Variants in ESYT1 observed in about 807,000 individuals in gnomAD.
ESYT1 encodes the protein extended synaptotagmin-1.
In ESYT1, 116 loss-of-function variants were observed where a neutral mutation model predicts 154.2. The ratio of observed to expected loss-of-function variants is 0.75; its 90% CI spans 0.65 to 0.88. The LOEUF is 0.88. ESYT1 is among the 40% of genes least tolerant of loss of function. ESYT1 has a pLI of 0.00. For missense variants in ESYT1, 1,264 were observed against 1,379.3 expected (o/e 0.92, Z 1.32); for synonymous variants, 500 against 539.9 (o/e 0.93, Z 1.02).
At position 56,144,106 on chromosome 12, in the gene ESYT1, C is replaced by T; in HGVS notation, c.*244C>T. 1.4e-6 allele frequency: 2 copies of T among 1,416,082 alleles called. No homozygotes were observed. Among genetic ancestry groups the T allele is most frequent in the Non-Finnish European group, 1.8e-6 (2 of 1,088,184 alleles). The allele number at this position is 1,416,082 out of a possible 1,614,324, so 87.7% of individuals were successfully genotyped here. ...GGGGACCTGAGCTGGCTGTTTCCTG[C>T]TTTGCCTGCACATTGTTCTCCCTTC... is the stretch of plus-strand genomic sequence containing the variant. On this transcript the variant is annotated 3_prime_UTR_variant, in exon 31 of 31. Coordinates refer to ENST00000394048, the MANE Select transcript of ESYT1 (RefSeq NM_015292.3).
At position 56,133,568 on chromosome 12, in the gene ESYT1, T is replaced by G. The variant is rs369662109; in HGVS notation, c.1294-20T>G. The G allele has an allele frequency of 8.7e-6, 14 of 1,614,054 alleles. No individual in the cohort carries two copies. The highest frequency in any genetic ancestry group is 2.2e-5 in the South Asian group (2 of 91,086). On this transcript the variant is annotated intron_variant, in intron 11 of 30. Coordinates refer to ENST00000394048, the MANE Select transcript of ESYT1 (RefSeq NM_015292.3). The stretch of plus-strand genomic sequence containing the variant: ...AGTTGAGCAGGTATCTGATCTCTAC[T>G]ACATCTCAATTTCTTCTAGTGGTTC...
chr12:56,142,737 AG>A lies in ESYT1; in HGVS notation c.2888+8del, dbSNP rs748680438. Reference sequence around the variant, plus strand: ...GCGCCTAACACATGTTGACAGGTAAAGGGCTGGGACAGGAAGGTGGGACGCA... The same window carrying A: ...GCGCCTAACACATGTTGACAGGTAAAGGCTGGGACAGGAAGGTGGGACGCA... On this transcript the variant is annotated splice_donor_region_variant and intron_variant, in intron 26 of 30. Coordinates refer to ENST00000394048, the MANE Select transcript of ESYT1 (RefSeq NM_015292.3). The surrounding 1 kb of genome is among the most constrained non-coding windows in gnomAD (Gnocchi z 4.1). 3 of 1,613,694 alleles carry A rather than the reference AG, an allele frequency of 1.9e-6. No individual in the cohort carries two copies. Among genetic ancestry groups the A allele is most frequent in the Non-Finnish European group, 2.5e-6 (3 of 1,180,020 alleles).
At chr12:56,136,496 T>C (rs1310964565) in intron 15 of ESYT1, among the ~76,000 whole-genome samples, 1 of 146,304 alleles carries the variant, frequency 6.8e-6, no homozygotes, top group Non-Finnish European at 1.5e-5. Flanking sequence ...GAGGCTGAGG[T>C]AGGAGAATGG....
intron 18 of ESYT1, 62 bp from the exon 19 acceptor site, chr12:56,137,770 G>T: frequency 1.2e-6 from 2 of 1,603,344 alleles, no homozygotes. Flanking sequence ...TTGACTGGGG[G>T]GTCCAGTCAT....
Position 56,133,451 on chromosome 12 carries a change from A to G in ESYT1, c.1279A>G (p.Ser427Gly), listed in dbSNP as rs760827038. The change falls in exon 11 of 31, where the codon AGC becomes GGC. Residue 427 changes from serine to glycine, a missense_variant. Transcript: ENST00000394048. ...KLDVGKVLQA[S>G]VLDDWFPLQG... ...GGATGTAGGGAAGGTGTTACAGGCTAGCGTTCTGGATGATGTAAGTTGGGA... is the reference window on the plus strand; with the variant it reads ...GGATGTAGGGAAGGTGTTACAGGCTGGCGTTCTGGATGATGTAAGTTGGGA... 4 of 1,614,164 alleles carry G rather than the reference A, an allele frequency of 2.5e-6. No individual in the cohort carries two copies. The East Asian group carries it at 8.9e-5, about 36-fold the overall frequency.
chr12:56,139,083 G>C, intron 24 of ESYT1, 70 bp downstream of exon 24: 1 of 1,166,548 alleles, frequency 8.6e-7, no homozygotes, highest in Non-Finnish European at 1.3e-6. Context: ...CAGGCACAGA[G>C]CATTCAGAGA....
chr12:56,130,883 T>A lies in ESYT1; in HGVS notation c.525T>A (p.His175Gln). ...CGGCTGTTAGGGGATCTAACCCCCA[T>A]CTGCAAACATTTACATTTACACGAG... ...VAPAVRGSNP[H>Q]LQTFTFTRVE... The change falls in exon 3 of 31, where the codon CAT (histidine) becomes CAA (glutamine). Residue 175 changes from histidine (H) to glutamine (Q), a missense_variant. Coordinates refer to ENST00000394048, the MANE Select transcript of ESYT1 (RefSeq NM_015292.3). 6.2e-7 allele frequency: 1 copy of A among 1,614,180 alleles called. No individual in the cohort carries two copies. The highest frequency in any genetic ancestry group is 1.1e-5 in the South Asian group (1 of 91,078).
rs1592250952 is a variant in ESYT1 at position 56,142,871 on chromosome 12, G to C, written c.2925G>C (p.Val975=). The C allele has an allele frequency of 1.9e-6, 3 of 1,614,186 alleles. No individual in the cohort carries two copies. In the East Asian group the frequency reaches 6.7e-5, roughly 36 times the overall value. Residue 975 remains valine (V), a synonymous_variant, in exon 27 of 31, where the codon GTG becomes GTC. Transcript: ENST00000394048. This position sits in a 1 kb window ranked among gnomAD's most constrained non-coding sequence, Gnocchi z 4.1. Reference sequence around the variant, plus strand: ...CTCCAGCCGGGCCTCTGGGCCAGGTGAAACTGACTCTGTGGTACTACAGTG... The same window carrying C: ...CTCCAGCCGGGCCTCTGGGCCAGGTCAAACTGACTCTGTGGTACTACAGTG... ...LEAPAGPLGQ[V]KLTLWYYSEE...
chr12:56,136,268 G>A (rs1455667179), intron 15 of ESYT1, among the ~76,000 whole-genome samples: 2 of 151,844 alleles, frequency 1.3e-5, no homozygotes, highest in Non-Finnish European at 2.9e-5. Context: ...GGAAGAGAAT[G>A]AGGACTTTCC....
intron 24 of ESYT1, among the ~76,000 whole-genome samples, chr12:56,139,785 G>C (rs1412286670): frequency 6.7e-6 from 1 of 149,984 alleles, no homozygotes; most frequent in Non-Finnish European, 1.5e-5. Flanking sequence ...ACGGGGTTTT[G>C]CCATGTTGGC....
Position 56,130,071 on chromosome 12 carries a change from G to A in ESYT1, c.391-511G>A, listed in dbSNP as rs533638030. On this transcript the variant is annotated intron_variant, in intron 1 of 30. Coordinates refer to ENST00000394048, the MANE Select transcript of ESYT1 (RefSeq NM_015292.3). ...TGGGATTACAGTCACGCGCCACCAC[G>A]CCCGGCTAATTTTGTATTTTTAGTA... Among the ~76,000 whole-genome samples, 561 of 152,158 alleles carry A rather than the reference G, an allele frequency of 3.7e-3. 1 individual carries two copies. Among genetic ancestry groups the A allele is most frequent in the Non-Finnish European group, 6.7e-3 (458 of 67,978 alleles).
At chr12:56,139,358 C>T (rs886905343) in intron 24 of ESYT1, among the ~76,000 whole-genome samples, 1 of 151,962 alleles carries the variant, frequency 6.6e-6, no homozygotes, top group Admixed American at 6.6e-5. Context: ...GTGATCCGCC[C>T]ACCTCGGCCT....
Position 56,143,160 on chromosome 12 carries a change from G to A in ESYT1, c.3119+12G>A. 6.2e-7 allele frequency: 1 copy of A among 1,614,162 alleles called. No homozygotes were observed. The highest frequency in any genetic ancestry group is 8.5e-7 in the Non-Finnish European group (1 of 1,180,028). On this transcript the variant is annotated intron_variant, in intron 28 of 30. Coordinates refer to ENST00000394048, the MANE Select transcript of ESYT1 (RefSeq NM_015292.3). ...GAATTTAATGAACGGTCAGTCAGTG[G>A]GCATTCAGGTGGAGAGATGGCAGGC...
intron 1 of ESYT1, 169 bp from the exon 2 acceptor site, chr12:56,130,413 C>A: frequency 1.3e-6 from 1 of 750,046 alleles, no homozygotes; most frequent in Non-Finnish European, 2.3e-6. Context: ...ACATCAGCCC[C>A]CAAACTCTGT....
rs373343194 is a variant in ESYT1, at chr12:56,132,278, G to A, written c.930G>A (p.Val310=). Residue 310 remains valine, a synonymous_variant, in exon 8 of 31, where the codon GTG becomes GTA. Transcript: ENST00000394048. Reference sequence around the variant, plus strand: ...TCGTGTTGCCCAACCGATTACTGGTGCCCCTTGTGCCTGACCTTCAAGATG... The same window carrying A: ...TCGTGTTGCCCAACCGATTACTGGTACCCCTTGTGCCTGACCTTCAAGATG... ...AFLVLPNRLL[V]PLVPDLQDVA... 2 of 1,614,056 alleles carry A rather than the reference G, an allele frequency of 1.2e-6. No individual in the cohort carries two copies. The highest frequency in any genetic ancestry group is 1.7e-6 in the Non-Finnish European group (2 of 1,180,014).
chr12:56,134,520 C>G, intron 15 of ESYT1, 92 bp downstream of exon 15: 1 of 1,108,776 alleles, frequency 9.0e-7, no homozygotes, highest in Non-Finnish European at 1.4e-6. Context: ...TCCCTTGATT[C>G]CTATTTTTAA....
In ESYT1 at chr12:56,132,244, C is replaced by T; in HGVS notation, c.896C>T (p.Ala299Val). The part of the protein sequence containing the change: ...LSDTMIMDSI[A>V]AFLVLPNRLL... ...GACACCATGATCATGGACTCCATTGCTGCCTTCCTCGTGTTGCCCAACCGA... is the reference window on the plus strand; with the variant it reads ...GACACCATGATCATGGACTCCATTGTTGCCTTCCTCGTGTTGCCCAACCGA... Residue 299 changes from alanine to valine, a missense_variant, in exon 8 of 31, where the codon GCT (alanine) becomes GTT (valine). Physicochemically the swap from Ala to Val is moderately conservative, Grantham distance 64. Coordinates refer to ENST00000394048, the MANE Select transcript of ESYT1 (RefSeq NM_015292.3). The T allele has an allele frequency of 6.2e-7, 1 of 1,614,178 alleles. No homozygotes were observed. The highest frequency in any genetic ancestry group is 8.5e-7 in the Non-Finnish European group (1 of 1,180,038).
Position 56,144,379 on chromosome 12 carries a change from C to T in ESYT1, c.*517C>T, listed in dbSNP as rs568756005. ...CCATGTCCAGTTCTGTCCCCACTGT[C>T]CTCAACCCTGTCCTGAAAATTCTAC... On this transcript the variant is annotated 3_prime_UTR_variant, in exon 31 of 31. Coordinates refer to ENST00000394048, the MANE Select transcript of ESYT1 (RefSeq NM_015292.3). 39 of 993,684 alleles carry T rather than the reference C, an allele frequency of 3.9e-5. 1 individual carries two copies. The South Asian group carries it at 1.6e-3, about 40-fold the overall frequency. 61.6% of individuals were successfully genotyped at this position (993,684 alleles called of 1,614,324 possible).
chr12:56,136,704 C>T, intron 15 of ESYT1, 40 bp from the exon 16 acceptor site: 1 of 1,542,662 alleles, frequency 6.5e-7, no homozygotes. Flanking sequence ...CTCCCTTTCC[C>T]CTAATCCCTT....
Sources: allele counts gnomAD v4.1 joint callset (sites outside exome capture counted in the v4.1 genomes callset), GRCh38; gene constraint gnomAD v4.1.1; non-coding constraint Gnocchi (gnomAD v3.1); transcripts MANE v1.5; gene names NCBI Gene and HGNC (gene_info 2026-07-23, HGNC 2026-07-21).